The following NPAS3 variants were observed in gnomAD, a reference collection of about 807,000 sequenced individuals.
The protein encoded by NPAS3 is neuronal PAS domain protein 3.
Under a neutral mutation model 73.1 loss-of-function variants are expected in NPAS3, and 14 were observed. The ratio of observed to expected loss-of-function variants is 0.19; its 90% confidence interval spans 0.13 to 0.30. The LOEUF is 0.30. Ranked by LOEUF, NPAS3 falls within the 10% of genes least tolerant of loss-of-function variation. NPAS3 has a pLI of 1.00. For synonymous variants in NPAS3, 620 were observed against 541.5 expected (o/e 1.14, Z -2.01); for missense variants, 1,096 against 1,250.0 (o/e 0.88, Z 1.86).
intron 4 of NPAS3, among the ~76,000 whole-genome samples, chr14:33,502,474 A>T: frequency 6.6e-6 from 1 of 151,562 alleles, no homozygotes; most frequent in East Asian, 2.0e-4. Flanking sequence ...CTCTCTGTTC[A>T]CTTGTGAAGT....
At chr14:33,517,520 A>G (rs550627986) in intron 4 of NPAS3, among the ~76,000 whole-genome samples, 6 of 152,090 alleles carry the variant, frequency 3.9e-5, no homozygotes, top group Non-Finnish European at 5.9e-5. Context: ...TCATGGGTGT[A>G]TTGCTGTTTT....
rs190564231 is a variant in NPAS3 at position 33,094,539 on chromosome 14, C to G, written c.140+38545C>G. Among the ~76,000 whole-genome samples the G allele has an allele frequency of 1.9e-3, 286 of 151,036 alleles. 7 individuals carry two copies. Among genetic ancestry groups the G allele is most frequent in the Non-Finnish European group, 6.5e-4 (44 of 67,906 alleles). ...AGAGTGCAGTGGTGTGATCTCAGCTCACTGCAACCTCCACCTCTTGGGTTC... is the reference window on the plus strand; with the variant it reads ...AGAGTGCAGTGGTGTGATCTCAGCTGACTGCAACCTCCACCTCTTGGGTTC... On this transcript the variant is annotated intron_variant, in intron 2 of 11. Transcript: ENST00000356141.
At chr14:32,970,153 T>C (rs1372581004) in intron 1 of NPAS3, among the ~76,000 whole-genome samples, 2 of 152,230 alleles carry the variant, frequency 1.3e-5, no homozygotes, top group African/African-American at 4.8e-5. Flanking sequence ...TCAAATGTAT[T>C]AATGGAAAAG....
intron 2 of NPAS3, among the ~76,000 whole-genome samples, chr14:33,201,025 A>G (rs1035546999): frequency 2.0e-5 from 3 of 152,240 alleles, no homozygotes; most frequent in African/African-American, 7.2e-5. Context: ...CAACCAAACT[A>G]TACCACTCTT....
chr14:33,772,928 T>C (rs2138456541), intron 7 of NPAS3, among the ~76,000 whole-genome samples: 1 of 152,212 alleles, frequency 6.6e-6, no homozygotes. Flanking sequence ...TATTGGTGCT[T>C]CCAGATCCAC....
chr14:32,950,410 A>G (rs1171646074), intron 1 of NPAS3, among the ~76,000 whole-genome samples: 2 of 152,112 alleles, frequency 1.3e-5, no homozygotes, highest in African/African-American at 4.8e-5. Flanking sequence ...TTATAAAGGC[A>G]TATTTTTCCA....
chr14:33,133,096 C>T (rs1374422122), intron 2 of NPAS3, among the ~76,000 whole-genome samples: 1 of 152,128 alleles, frequency 6.6e-6, no homozygotes, highest in East Asian at 1.9e-4. Flanking sequence ...AGACTTCTAT[C>T]TGTATTCTGT....
rs953504031 is a variant in NPAS3, at chr14:33,298,181, G to A, written c.386-69005G>A. Among the ~76,000 whole-genome samples, 32 of 152,158 alleles carry A rather than the reference G, an allele frequency of 2.1e-4. 1 individual carries two copies. The highest frequency in any genetic ancestry group is 7.7e-4 in the African/African-American group (32 of 41,448). The stretch of plus-strand genomic sequence containing the variant: ...GCCTGTAATCCCAGCTACTCGGGAG[G>A]CTGAGACAGGAGAATGGCTGGAACC... On this transcript the variant is annotated intron_variant, in intron 3 of 11. Transcript: ENST00000356141.
At chr14:33,214,600 T>A (rs778643304) in intron 2 of NPAS3, 3 of 152,358 alleles carry the variant, frequency 2.0e-5, no homozygotes, top group Non-Finnish European at 4.4e-5. Context: ...AAATCTTCAT[T>A]TTAAATATGA....
At chr14:33,334,913 T>C (rs1261868395) in intron 3 of NPAS3, among the ~76,000 whole-genome samples, 3 of 152,154 alleles carry the variant, frequency 2.0e-5, no homozygotes, top group African/African-American at 7.2e-5. Context: ...AGTGAGAATA[T>C]GTGATGTTTG....
At chr14:33,354,065 A>T (rs1020655077) in intron 3 of NPAS3, among the ~76,000 whole-genome samples, 1 of 152,166 alleles carries the variant, frequency 6.6e-6, no homozygotes, top group Non-Finnish European at 1.5e-5. Flanking sequence ...TCTCAGCTTT[A>T]TCTAAACTCC....
intron 5 of NPAS3, among the ~76,000 whole-genome samples, chr14:33,672,050 A>G (rs114757314): frequency 2.1e-3 from 320 of 152,330 alleles, no homozygotes; most frequent in African/African-American, 7.4e-3. Flanking sequence ...ATTAATTTTT[A>G]TGGAACTATG....
At chr14:33,440,071 G>A (rs548008552) in intron 4 of NPAS3, among the ~76,000 whole-genome samples, 3 of 151,018 alleles carry the variant, frequency 2.0e-5, no homozygotes, top group South Asian at 4.2e-4. Flanking sequence ...AGCCCAGATC[G>A]TGCCACTGCA....
chr14:32,964,341 C>G (rs1166902905), intron 1 of NPAS3, among the ~76,000 whole-genome samples: 1 of 151,986 alleles, frequency 6.6e-6, no homozygotes, highest in Non-Finnish European at 1.5e-5. Flanking sequence ...AAGTAAATTA[C>G]CAAGGTCATA....
intron 9 of NPAS3, among the ~76,000 whole-genome samples, chr14:33,783,767 G>C (rs1441605009): frequency 6.6e-6 from 1 of 152,080 alleles, no homozygotes; most frequent in Non-Finnish European, 1.5e-5. Context: ...GCACCCCCTG[G>C]GAACTCAGAG....
chr14:33,194,827 T>G (rs1301350211), intron 2 of NPAS3, among the ~76,000 whole-genome samples: 1 of 152,144 alleles, frequency 6.6e-6, no homozygotes, highest in Non-Finnish European at 1.5e-5. Context: ...TTGGAGGTGA[T>G]ATGGCAGTTG....
chr14:33,345,121 C>T (rs2044667487), intron 3 of NPAS3, among the ~76,000 whole-genome samples: 1 of 152,126 alleles, frequency 6.6e-6, no homozygotes, highest in African/African-American at 2.4e-5. Flanking sequence ...GAGTGTGTTC[C>T]AGAATATTTC....
At chr14:33,184,062 A>G (rs1023275905) in intron 2 of NPAS3, among the ~76,000 whole-genome samples, 1 of 152,116 alleles carries the variant, frequency 6.6e-6, no homozygotes, top group Admixed American at 6.5e-5. Context: ...CCTTCGTAGC[A>G]TGGCAGTACC....
chr14:33,316,041 A>G (rs368602297), intron 3 of NPAS3, among the ~76,000 whole-genome samples: 1 of 152,132 alleles, frequency 6.6e-6, no homozygotes, highest in East Asian at 1.9e-4. Flanking sequence ...GCAGTTTTAT[A>G]GAGCATGTTC....
Sources: allele counts gnomAD v4.1 joint callset (sites outside exome capture counted in the v4.1 genomes callset), GRCh38; gene constraint gnomAD v4.1.1; transcripts MANE v1.5; gene names NCBI Gene and HGNC (gene_info 2026-07-23, HGNC 2026-07-21).